The following ACSS1 variants were observed in gnomAD, a reference collection of about 807,000 sequenced individuals.
ACSS1 encodes acyl-CoA synthetase short chain family member 1, also known as acetyl-coenzyme A synthetase 2-like, mitochondrial.
In ACSS1, 42 loss-of-function variants were observed where a neutral mutation model predicts 75.3. That is an observed-to-expected ratio of 0.56 (90% CI 0.44 to 0.72). The LOEUF is 0.72. ACSS1 is among the 30% of genes least tolerant of loss of function. The probability of loss-of-function intolerance (pLI) is 0.00; values close to 1 mark genes in which losing one functional copy is unlikely to be tolerated. For synonymous variants in ACSS1, 380 were observed against 376.8 expected (o/e 1.01, Z -0.10); for missense variants, 782 against 935.7 (o/e 0.84, Z 2.14).
intron 2 of ACSS1, among the ~76,000 whole-genome samples, chr20:25,032,178 A>G (rs1410464383): frequency 5.9e-5 from 9 of 152,150 alleles, no homozygotes. Flanking sequence ...GCCTATGTCT[A>G]TGGTGTGCGC....
At chr20:25,011,132 G>A (rs764973020) in intron 12 of ACSS1, 6 of 152,274 alleles carry the variant, frequency 3.9e-5, no homozygotes, top group Non-Finnish European at 7.3e-5. Flanking sequence ...ACTTGCAATA[G>A]CTCCACACAC....
rs2088554134 is a variant in ACSS1 at position 25,018,212 on chromosome 20, G to A, written c.1246+1798C>T. ...GTGGGATTGGTGCCATTATAAAAGG[G>A]TGAGTTCAACCTCCTCTTGCTCTCT... On this transcript the variant is annotated intron_variant, in intron 7 of 13. Transcript: ENST00000323482. 2.6e-5 allele frequency among the ~76,000 whole-genome samples: 4 copies of A among 152,186 alleles called. No homozygotes were observed. The South Asian group carries it at 8.3e-4, about 32-fold the overall frequency.
intron 11 of ACSS1, 69 bp from the exon 12 acceptor site, chr20:25,012,733 G>C: frequency 1.2e-6 from 2 of 1,613,274 alleles, no homozygotes; most frequent in Non-Finnish European, 1.7e-6. Flanking sequence ...TCGGGCCAGG[G>C]ACTCCCACCC....
At chr20:25,032,626 G>A (rs1325768393) in intron 2 of ACSS1, 20 of 1,230,534 alleles carry the variant, frequency 1.6e-5, no homozygotes, top group Non-Finnish European at 1.9e-5. Flanking sequence ...CCAGAAAGCA[G>A]ACCCTCCTCG....
At chr20:25,032,357 C>T (rs753628490) in intron 2 of ACSS1, 4 of 1,348,106 alleles carry the variant, frequency 3.0e-6, no homozygotes, top group Non-Finnish European at 3.8e-6. Flanking sequence ...CAGGCGAGAG[C>T]CGCCAACTTG....
chr20:25,015,031 G>A (rs144308556), intron 8 of ACSS1, 107 bp downstream of exon 8: 21,193 of 954,012 alleles, frequency 0.022, 314 homozygotes, highest in Non-Finnish European at 0.025. Context: ...GCGTTGAAGC[G>A]TCTTCTATCG....
chr20:25,024,375 G>A (rs908516770), intron 3 of ACSS1, among the ~76,000 whole-genome samples: 2 of 152,202 alleles, frequency 1.3e-5, no homozygotes, highest in Non-Finnish European at 2.9e-5. Flanking sequence ...TGTCCTCCAC[G>A]CTGTGCCCCA....
chr20:25,041,731 C>T (rs914723702), intron 2 of ACSS1, among the ~76,000 whole-genome samples: 3 of 151,822 alleles, frequency 2.0e-5, no homozygotes, highest in African/African-American at 7.3e-5. Context: ...AGATAGAAGA[C>T]TGTTCTTGTT....
intron 10 of ACSS1, 28 bp from the exon 11 acceptor site, chr20:25,012,967 C>T: frequency 6.2e-7 from 1 of 1,613,904 alleles, no homozygotes; most frequent in Non-Finnish European, 8.5e-7. Context: ...AATTCAGCAC[C>T]AGGAACCCTG....
chr20:25,027,887 C>CA (rs1013484683), intron 3 of ACSS1, among the ~76,000 whole-genome samples: 32 of 151,126 alleles, frequency 2.1e-4, no homozygotes, highest in African/African-American at 4.9e-4. Context: ...AATGAATCCA[C>CA]AAAAAAACTA....
chr20:25,009,357 ACTAT>A lies in ACSS1; in HGVS notation c.1799_1802del (p.Asp600ValfsTer32). 1 of 1,614,184 alleles carries A rather than the reference ACTAT, an allele frequency of 6.2e-7. No individual in the cohort carries two copies. Among genetic ancestry groups the A allele is most frequent in the Middle Eastern group, 1.7e-4 (1 of 6,060 alleles). Reference sequence around the variant, plus strand: ...GCACCACCACATCTGAGTCACCCGCACTATCTTTCACCACAATGAAGGCAAAGGC... The same window carrying A: ...GCACCACCACATCTGAGTCACCCGCACTTTCACCACAATGAAGGCAAAGGC... On this transcript the variant is annotated frameshift_variant, in exon 13 of 14. Coordinates refer to ENST00000323482, the MANE Select transcript of ACSS1 (RefSeq NM_032501.4). LOFTEE classifies it high-confidence loss of function.
At chr20:25,031,901 G>A (rs1214450409) in intron 2 of ACSS1, among the ~76,000 whole-genome samples, 1 of 152,182 alleles carries the variant, frequency 6.6e-6, no homozygotes, top group Non-Finnish European at 1.5e-5. Context: ...CAACACAGTC[G>A]AGGGGCACCA....
chr20:25,013,695 C>T, intron 9 of ACSS1, 33 bp from the exon 10 acceptor site: 1 of 1,576,380 alleles, frequency 6.3e-7, no homozygotes, highest in Non-Finnish European at 8.6e-7. Context: ...TGAGACAGGG[C>T]AGGCTCTGGG....
At chr20:25,030,673 G>T in intron 3 of ACSS1, 86 bp downstream of exon 3, 4 of 1,449,384 alleles carry the variant, frequency 2.8e-6, no homozygotes, top group Non-Finnish European at 2.9e-6. Context: ...TCTGCACTCT[G>T]ATGGTCTCTA....
chr20:25,024,691 C>T (rs1436029797), intron 3 of ACSS1, among the ~76,000 whole-genome samples: 2 of 152,216 alleles, frequency 1.3e-5, no homozygotes, highest in African/African-American at 4.8e-5. Context: ...ACCACACTTC[C>T]AAGACAGACT....
chr20:25,051,789 C>T (rs930861101), intron 1 of ACSS1, among the ~76,000 whole-genome samples: 3 of 152,178 alleles, frequency 2.0e-5, no homozygotes, highest in Non-Finnish European at 4.4e-5. Flanking sequence ...AAAGTCCAGC[C>T]CCTGTCCAGC....
intron 2 of ACSS1, among the ~76,000 whole-genome samples, chr20:25,037,372 C>T (rs1340963489): frequency 6.6e-6 from 1 of 152,192 alleles, no homozygotes; most frequent in Non-Finnish European, 1.5e-5. Context: ...TTGCATCACG[C>T]TGGCATGAAG....
rs114282554 is a variant in ACSS1, at chr20:25,044,420, G to A, written c.431+3665C>T. Among the ~76,000 whole-genome samples the A allele has an allele frequency of 2.9e-3, 442 of 152,300 alleles. 4 individuals are homozygous for A. Among genetic ancestry groups the A allele is most frequent in the African/African-American group, 9.9e-3 (411 of 41,546 alleles). ...GGTGGGCAGTCACTCCAACCCAGGA[G>A]TTCCAGACCAACCTGGGCAGCATAG... On this transcript the variant is annotated intron_variant, in intron 2 of 13. Transcript: ENST00000323482.
At chr20:25,009,655 C>T (rs1357912912) in intron 12 of ACSS1, 3 of 458,402 alleles carry the variant, frequency 6.5e-6, no homozygotes, top group Non-Finnish European at 1.2e-5. Context: ...CTAATGCTGA[C>T]TGGCTGCGTG....
Sources: gnomAD v4.1 joint callset for allele counts (sites outside exome capture counted in the v4.1 genomes callset) on GRCh38, gnomAD v4.1.1 for gene constraint, MANE v1.5 for transcripts, NCBI Gene and HGNC (gene_info 2026-07-23, HGNC 2026-07-21) for gene names.